The following TRIM37 variants were observed in gnomAD, a reference collection of about 807,000 sequenced individuals.
TRIM37 encodes the protein E3 ubiquitin-protein ligase TRIM37.
In TRIM37, 80 loss-of-function variants were observed where a neutral mutation model predicts 129.8. The observed-to-expected ratio is 0.62, with a 90% confidence interval of 0.51 to 0.74. The LOEUF is 0.74. TRIM37 is among the 30% of genes least tolerant of loss of function. The pLI is 0.00. For synonymous variants in TRIM37, 389 were observed against 387.1 expected (o/e 1.00, Z -0.06); for missense variants, 1,054 against 1,176.5 (o/e 0.90, Z 1.52).
At chr17:58,986,498 A>G (rs1437709172) in intron 24 of TRIM37, among the ~76,000 whole-genome samples, 1 of 130,280 alleles carries the variant, frequency 7.7e-6, no homozygotes, top group Non-Finnish European at 1.6e-5. Context: ...GCAAGTTTCC[A>G]TCTGTCTTTT....
chr17:58,973,751 G>A, the TRIM37 span, among the ~76,000 whole-genome samples: 1 of 152,044 alleles, frequency 6.6e-6, no homozygotes, highest in Non-Finnish European at 1.5e-5. Context: ...AGGAGATGGA[G>A]ACCATCCTGG....
intron 16 of TRIM37, among the ~76,000 whole-genome samples, 182 bp from the exon 17 acceptor site, chr17:59,042,080 C>G (rs2039224690): frequency 6.6e-6 from 1 of 151,992 alleles, no homozygotes; most frequent in Non-Finnish European, 1.5e-5. Context: ...GTTTAAACAA[C>G]CTTTAAAAAA....
chr17:59,078,658 A>G (rs1335870600), intron 7 of TRIM37, among the ~76,000 whole-genome samples: 1 of 152,316 alleles, frequency 6.6e-6, no homozygotes, highest in East Asian at 1.9e-4. Context: ...AAAAACTAAG[A>G]TCACCTATAT....
chr17:58,982,713 T>C, exon 25 of TRIM37: 1 of 516,878 alleles, frequency 1.9e-6, no homozygotes, highest in South Asian at 3.4e-5. Flanking sequence ...TTTCAGTATT[T>C]GTTTTCTCTT....
At position 59,057,072 on chromosome 17, in the gene TRIM37, A is replaced by T; in HGVS notation, c.1020-18T>A. The T allele has an allele frequency of 6.2e-7, 1 of 1,609,454 alleles. No individual in the cohort carries two copies. Among genetic ancestry groups the T allele is most frequent in the Non-Finnish European group, 8.5e-7 (1 of 1,176,114 alleles). On this transcript the variant is annotated intron_variant, in intron 12 of 23. Coordinates refer to ENST00000262294, the MANE Select transcript of TRIM37 (RefSeq NM_015294.6). ...ATTCATATCTAAAATTGAAAAACAG[A>T]CCATTACTATACAGTTAGTAAAGTA...
intron 22 of TRIM37, among the ~76,000 whole-genome samples, chr17:59,008,617 C>T (rs2034845943): frequency 6.6e-6 from 1 of 152,050 alleles, no homozygotes. Context: ...CCAAATCGGG[C>T]GGCCGGGTGT....
At chr17:58,978,693 AAAAAAT>A (rs986241939), downstream of TRIM37, among the ~76,000 whole-genome samples, 7 of 152,350 alleles carry the variant, frequency 4.6e-5, no homozygotes, top group East Asian at 3.9e-4. Flanking sequence ...CCTGGGCGAC[AAAAAAT>A]AAAAATAAAA....
At chr17:59,077,267 CTTTTTTTT>C (rs757122066) in intron 7 of TRIM37, among the ~76,000 whole-genome samples, 2 of 124,464 alleles carry the variant, frequency 1.6e-5, no homozygotes, top group Admixed American at 1.6e-4. Context: ...GCTAATTTTT[CTTTTTTTT>C]TTTTTTTTGG....
At chr17:59,066,108 A>T (rs1021735114) in intron 9 of TRIM37, among the ~76,000 whole-genome samples, 1 of 152,180 alleles carries the variant, frequency 6.6e-6, no homozygotes, top group Non-Finnish European at 1.5e-5. Context: ...GGTTTGCTCT[A>T]AGGTCTTCCC....
rs377323130 is a variant in TRIM37, at chr17:59,070,999, C to T, written c.685-52G>A. The T allele has an allele frequency of 2.7e-5, 43 of 1,599,820 alleles. No individual in the cohort carries two copies. The Middle Eastern group carries it at 5.2e-4, about 19-fold the overall frequency. On this transcript the variant is annotated intron_variant, in intron 8 of 23. Transcript: ENST00000262294. ...CAAACAAAATTACTATTCACTGCCA[C>T]CTCAAAATTCTTAAGAAATTACAAA... is the stretch of plus-strand genomic sequence containing the variant.
intron 7 of TRIM37, among the ~76,000 whole-genome samples, chr17:59,079,041 CA>C (rs1223151205): frequency 7.3e-6 from 1 of 136,886 alleles, no homozygotes; most frequent in East Asian, 2.1e-4. Flanking sequence ...CTTGGAGAAT[CA>C]AGATAGCCAA....
chr17:59,100,063 A>T (rs1020757422), intron 2 of TRIM37, among the ~76,000 whole-genome samples: 2 of 151,816 alleles, frequency 1.3e-5, no homozygotes, highest in Non-Finnish European at 2.9e-5. Context: ...CGGCCTCCCA[A>T]TCCTTTTTTT....
At position 58,998,372 on chromosome 17, in the gene TRIM37, T is replaced by C. The variant is rs2033222083; in HGVS notation, c.*1005A>G. The C allele has an allele frequency of 1.0e-6, 1 of 985,306 alleles. No homozygotes were observed. Among genetic ancestry groups the C allele is most frequent in the Admixed American group, 6.1e-5 (1 of 16,266 alleles). The allele number at this position is 985,306 out of a possible 1,614,324, so 61.0% of individuals were successfully genotyped here. ...ATGTATATTTAATTATTCATGCTTT[T>C]TCAATAGTCTCTTAGTCAACTTTCA... On this transcript the variant is annotated 3_prime_UTR_variant, in exon 24 of 24. Transcript: ENST00000262294.
chr17:59,105,765 A>G (rs905886176), intron 1 of TRIM37, among the ~76,000 whole-genome samples: 1 of 152,220 alleles, frequency 6.6e-6, no homozygotes, highest in Non-Finnish European at 1.5e-5. Flanking sequence ...TGGAATATCC[A>G]TAACATAGTT....
chr17:59,095,343 A>G (rs764470208), intron 2 of TRIM37, among the ~76,000 whole-genome samples: 12 of 152,210 alleles, frequency 7.9e-5, no homozygotes, highest in Non-Finnish European at 1.3e-4. Flanking sequence ...TCCGAGAAGG[A>G]AAGATAAGGC....
At chr17:59,084,916 C>T (rs186364878) in intron 4 of TRIM37, among the ~76,000 whole-genome samples, 2 of 152,280 alleles carry the variant, frequency 1.3e-5, no homozygotes, top group Admixed American at 1.3e-4. Context: ...GGACTTAACA[C>T]CTATCAGAAC....
chr17:59,054,959 CCTGGCTAAATAGGG>C (rs920245334), intron 13 of TRIM37, among the ~76,000 whole-genome samples: 16 of 152,078 alleles, frequency 1.1e-4, no homozygotes, highest in Admixed American at 2.6e-4. Flanking sequence ...AGCCACCACA[CCTGGCTAAATAGGG>C]CTGTTGTTTG....
intron 24 of TRIM37, among the ~76,000 whole-genome samples, chr17:58,989,292 C>T (rs1398731482): frequency 6.6e-6 from 1 of 152,008 alleles, no homozygotes; most frequent in Non-Finnish European, 1.5e-5. Flanking sequence ...AAAAATCAGC[C>T]AGGCGTGGTG....
At chr17:59,032,281 T>C (rs909196995) in intron 17 of TRIM37, among the ~76,000 whole-genome samples, 191 bp from the exon 18 acceptor site, 6 of 150,504 alleles carry the variant, frequency 4.0e-5, no homozygotes, top group Non-Finnish European at 1.5e-5. Context: ...ATCCCAGCAC[T>C]TTGGGAGGCC....
Sources: gnomAD v4.1 joint callset for allele counts (sites outside exome capture counted in the v4.1 genomes callset) on GRCh38, gnomAD v4.1.1 for gene constraint, MANE v1.5 for transcripts, NCBI Gene and HGNC (gene_info 2026-07-23, HGNC 2026-07-21) for gene names.